Variants in ESYT2 observed in about 807,000 individuals in gnomAD.
ESYT2 encodes the protein extended synaptotagmin-2.
In ESYT2, 54 loss-of-function variants were observed where a neutral mutation model predicts 107.2. That is an observed-to-expected ratio of 0.50 (90% CI 0.40 to 0.63). The LOEUF is 0.63. Among genes scored for constraint, ESYT2 ranks in the 30% least tolerant of loss-of-function variants. The pLI is 0.00. For missense variants in ESYT2, 1,020 were observed against 1,094.5 expected (o/e 0.93, Z 0.96); for synonymous variants, 491 against 434.1 (o/e 1.13, Z -1.63).
rs185262439 is a variant in ESYT2 at position 158,735,480 on chromosome 7, T to C, written c.2505+23A>G. 93 of 1,591,516 alleles carry C rather than the reference T, an allele frequency of 5.8e-5. No individual in the cohort carries two copies. In the Middle Eastern group the frequency reaches 6.6e-4, roughly 11 times the overall value. ...CAATTTTACAAACTGCAGGAACTGG[T>C]TGAGGATTCGTTTGGCACTTACTTT... On this transcript the variant is annotated intron_variant, in intron 21 of 22. Transcript: ENST00000275418.
In ESYT2 at chr7:158,801,715, T is replaced by A. The variant is rs575079864; in HGVS notation, c.331-2643A>T. ...CAATATTTATATTATCTGTATGAAC[T>A]AGAAATAATCATTGTACGATTATTC... On this transcript the variant is annotated intron_variant, in intron 1 of 22. Transcript: ENST00000275418. 2.0e-4 allele frequency among the ~76,000 whole-genome samples: 31 copies of A among 152,352 alleles called. 1 individual carries two copies. The highest frequency in any genetic ancestry group is 6.7e-4 in the African/African-American group (28 of 41,584).
chr7:158,745,685 G>C (rs940117744), intron 16 of ESYT2, among the ~76,000 whole-genome samples: 4 of 141,582 alleles, frequency 2.8e-5, no homozygotes, highest in African/African-American at 8.3e-5. Flanking sequence ...ATCAATAATA[G>C]AAAGATTAAA....
rs1584890867 is a variant in ESYT2, at chr7:158,822,528, T to C, written c.330+6561A>G. Among the ~76,000 whole-genome samples the C allele has an allele frequency of 2.6e-5, 4 of 152,232 alleles. No individual in the cohort carries two copies. The Middle Eastern group carries it at 0.014, about 518-fold the overall frequency. On this transcript the variant is annotated intron_variant, in intron 1 of 22. Transcript: ENST00000275418. ...TGTAATCAGAGCACTTCAGAAGTGC[T>C]GAGATAGGAGGATCACTTGAGCCCA...
At chr7:158,754,896 A>T (rs1006380809) in intron 13 of ESYT2, among the ~76,000 whole-genome samples, 1 of 152,150 alleles carries the variant, frequency 6.6e-6, no homozygotes, top group Non-Finnish European at 1.5e-5. Context: ...AGATTAAACA[A>T]GTAGCAACCT....
At chr7:158,807,199 C>G (rs1192463557) in intron 1 of ESYT2, among the ~76,000 whole-genome samples, 1 of 138,114 alleles carries the variant, frequency 7.2e-6, no homozygotes, top group Non-Finnish European at 1.5e-5. Context: ...TGTAGCGAGC[C>G]GATATCGCAC....
chr7:158,775,612 T>A (rs911213547), intron 6 of ESYT2, among the ~76,000 whole-genome samples: 17 of 152,232 alleles, frequency 1.1e-4, no homozygotes, highest in Non-Finnish European at 1.5e-4. Flanking sequence ...ATCCTGAGAC[T>A]GCAGCAATTC....
intron 4 of ESYT2, among the ~76,000 whole-genome samples, chr7:158,789,018 A>T (rs943880634): frequency 6.6e-6 from 1 of 152,228 alleles, no homozygotes; most frequent in Non-Finnish European, 1.5e-5. Flanking sequence ...ACCTGTTTTT[A>T]ATATAAACAT....
intron 1 of ESYT2, among the ~76,000 whole-genome samples, chr7:158,808,566 G>A (rs868722516): frequency 5.3e-5 from 8 of 152,206 alleles, no homozygotes; most frequent in South Asian, 4.1e-4. Flanking sequence ...ATGTAAGAAC[G>A]AATCTTCCAT....
chr7:158,795,913 G>A (rs62480281), intron 3 of ESYT2, among the ~76,000 whole-genome samples: 19,439 of 152,204 alleles, frequency 0.13, 1,407 homozygotes, highest in African/African-American at 0.2. Context: ...TCACACGTAA[G>A]GCTGCACAGG....
intron 8 of ESYT2, among the ~76,000 whole-genome samples, chr7:158,766,211 G>A (rs753530823): frequency 3.3e-5 from 5 of 152,130 alleles, no homozygotes; most frequent in Non-Finnish European, 7.4e-5. Flanking sequence ...CATTCAATCA[G>A]CACAGGAATA....
intron 20 of ESYT2, 132 bp from the exon 21 acceptor site, chr7:158,735,740 T>C: frequency 1.3e-6 from 1 of 789,494 alleles, no homozygotes; most frequent in Non-Finnish European, 2.0e-6. Flanking sequence ...TGAGTTCTTC[T>C]ACCTAATGTT....
chr7:158,785,760 C>T (rs941943590), intron 6 of ESYT2, among the ~76,000 whole-genome samples: 1 of 152,178 alleles, frequency 6.6e-6, no homozygotes, highest in African/African-American at 2.4e-5. Flanking sequence ...CAGCGCTGTG[C>T]TGCCTTCTTC....
At chr7:158,755,209 G>A (rs1324586664) in intron 13 of ESYT2, among the ~76,000 whole-genome samples, 1 of 152,214 alleles carries the variant, frequency 6.6e-6, no homozygotes, top group Admixed American at 6.5e-5. Flanking sequence ...AGAGAGCACT[G>A]GGTTGGCAGC....
At position 158,782,385 on chromosome 7, in the gene ESYT2, G is replaced by GGTGA. The variant is rs147060839; in HGVS notation, c.747+5618_747+5619insTCAC. 2.3e-5 allele frequency among the ~76,000 whole-genome samples: 2 copies of GGTGA among 86,630 alleles called. 1 individual carries two copies. The highest frequency in any genetic ancestry group is 6.8e-4 in the South Asian group (2 of 2,952). 56.8% of individuals were successfully genotyped at this position (86,630 alleles called of 152,430 possible). A position where few individuals can be genotyped will look rare whatever the true frequency, so the allele number is the denominator to read the frequency against. Reference sequence around the variant, plus strand: ...GTGAACGAGTGTGAGAACAAAGTGAGGTAAGAACGAGAACAAGTGAGTGAA... The same window carrying GGTGA: ...GTGAACGAGTGTGAGAACAAAGTGAGGTGAGTAAGAACGAGAACAAGTGAGTGAA... On this transcript the variant is annotated intron_variant, in intron 6 of 22. Transcript: ENST00000275418.
At chr7:158,757,320 C>T (rs574843665) in intron 13 of ESYT2, among the ~76,000 whole-genome samples, 4 of 152,188 alleles carry the variant, frequency 2.6e-5, no homozygotes, top group Non-Finnish European at 5.9e-5. Flanking sequence ...GAAAGAACCC[C>T]GGAGGACTCA....
chr7:158,819,814 G>C (rs1840241498), intron 1 of ESYT2, among the ~76,000 whole-genome samples: 1 of 151,998 alleles, frequency 6.6e-6, no homozygotes, highest in African/African-American at 2.4e-5. Flanking sequence ...GATAAAGGGG[G>C]ACTTCACCGT....
Position 158,779,694 on chromosome 7 carries a change from C to T in ESYT2, c.748-6298G>A, listed in dbSNP as rs115287216. Reference sequence around the variant, plus strand: ...GCGGCCCCTTCTGCTCTAAACCGTCCAATCTGCTCCTGTCTCTGATGTGCC... The same window carrying T: ...GCGGCCCCTTCTGCTCTAAACCGTCTAATCTGCTCCTGTCTCTGATGTGCC... On this transcript the variant is annotated intron_variant, in intron 6 of 22. Coordinates refer to ENST00000275418, the MANE Select transcript of ESYT2 (RefSeq NM_001367773.1). 8.1e-3 allele frequency among the ~76,000 whole-genome samples: 1,231 copies of T among 152,282 alleles called. 21 individuals carry two copies. Among genetic ancestry groups the T allele is most frequent in the African/African-American group, 0.028 (1,180 of 41,562 alleles).
chr7:158,820,534 C>T (rs1448643506), intron 1 of ESYT2, among the ~76,000 whole-genome samples: 1 of 152,200 alleles, frequency 6.6e-6, no homozygotes, highest in African/African-American at 2.4e-5. Context: ...CGCCTGTATT[C>T]CCTCCCAGAT....
chr7:158,746,861 C>A (rs1287463636), intron 16 of ESYT2, among the ~76,000 whole-genome samples: 1 of 151,986 alleles, frequency 6.6e-6, no homozygotes, highest in Non-Finnish European at 1.5e-5. Context: ...CACTGTGAGA[C>A]CCTACAAAAA....
Sources: gnomAD v4.1 joint callset for allele counts (sites outside exome capture counted in the v4.1 genomes callset) on GRCh38, gnomAD v4.1.1 for gene constraint, MANE v1.5 for transcripts, NCBI Gene and HGNC (gene_info 2026-07-23, HGNC 2026-07-21) for gene names.